GRB14: variants seen among roughly 807,000 people sequenced by gnomAD.
The protein encoded by GRB14 is growth factor receptor bound protein 14, also known as growth factor receptor-bound protein 14.
A neutral mutation model predicts 69.1 loss-of-function variants in GRB14; 38 were observed. The observed-to-expected ratio is 0.55, with a 90% confidence interval of 0.42 to 0.72. The LOEUF (loss-of-function observed/expected upper bound fraction) is 0.72. Among genes scored for constraint, GRB14 ranks in the 30% least tolerant of loss-of-function variants. GRB14 has a pLI of 0.00. For missense variants in GRB14, 666 were observed against 666.1 expected (o/e 1.00, Z 0.00); for synonymous variants, 247 against 241.3 (o/e 1.02, Z -0.22).
intron 2 of GRB14, among the ~76,000 whole-genome samples, chr2:164,605,775 A>T (rs1268852350): frequency 1.3e-5 from 2 of 152,194 alleles, no homozygotes; most frequent in African/African-American, 4.8e-5. Flanking sequence ...TCAAATGTTT[A>T]AAACCCAATA....
chr2:164,584,450 T>C (rs951259893), intron 2 of GRB14, among the ~76,000 whole-genome samples: 1 of 152,056 alleles, frequency 6.6e-6, no homozygotes, highest in Non-Finnish European at 1.5e-5. Context: ...TTAAACAAAA[T>C]TATCTTTAAG....
At chr2:164,520,668 A>C (rs887132968) in intron 6 of GRB14, among the ~76,000 whole-genome samples, 2 of 152,094 alleles carry the variant, frequency 1.3e-5, no homozygotes, top group African/African-American at 4.8e-5. Flanking sequence ...AAGAAAAAAA[A>C]CAAAGAATCC....
rs752793393 is a variant in GRB14, at chr2:164,621,315, C to G, written c.-6G>C. 7.8e-7 allele frequency: 1 copy of G among 1,284,790 alleles called. No individual in the cohort carries two copies. Among genetic ancestry groups the G allele is most frequent in the Admixed American group, 3.1e-5 (1 of 31,878 alleles). 79.6% of individuals were successfully genotyped at this position (1,284,790 alleles called of 1,614,324 possible). ...TCTTGCAGGGAAGTGGTCATTGTCGCCGGCCGGGGGGCTCGGGCGTCATGG... is the reference window on the plus strand; with the variant it reads ...TCTTGCAGGGAAGTGGTCATTGTCGGCGGCCGGGGGGCTCGGGCGTCATGG... On this transcript the variant is annotated 5_prime_UTR_variant, in exon 1 of 14. Transcript: ENST00000263915. The surrounding 1 kb of genome is among the most constrained non-coding windows in gnomAD (Gnocchi z 6.0).
chr2:164,493,486 T>G (rs998631990), intron 13 of GRB14, among the ~76,000 whole-genome samples: 3 of 152,146 alleles, frequency 2.0e-5, no homozygotes, highest in African/African-American at 7.2e-5. Context: ...ATATTCAGAG[T>G]AAAAGTAAAT....
chr2:164,610,849 G>T (rs1017829056), intron 2 of GRB14, among the ~76,000 whole-genome samples: 3 of 129,464 alleles, frequency 2.3e-5, no homozygotes, highest in African/African-American at 8.6e-5. Context: ...GAAACAAACT[G>T]AGAAATGTGA....
chr2:164,511,272 G>T (rs1170332684), intron 6 of GRB14, among the ~76,000 whole-genome samples: 1 of 152,226 alleles, frequency 6.6e-6, no homozygotes, highest in Non-Finnish European at 1.5e-5. Context: ...GTGAGCAACA[G>T]CTGGGGTGGC....
rs374507479 is a variant in GRB14 at position 164,595,863 on chromosome 2, A to C, written c.324+23824T>G. On this transcript the variant is annotated intron_variant, in intron 2 of 13. Coordinates refer to ENST00000263915, the MANE Select transcript of GRB14 (RefSeq NM_004490.3). ...CAATGGGACCAGACCCAGAGGCTCA[A>C]GCCTGTAATCCCAGCACTTTGGGAG... is the stretch of plus-strand genomic sequence containing the variant. Among the ~76,000 whole-genome samples the C allele has an allele frequency of 2.0e-3, 307 of 152,294 alleles. 1 individual carries two copies. The highest frequency in any genetic ancestry group is 6.4e-3 in the African/African-American group (266 of 41,568).
chr2:164,544,970 T>C (rs1232893971), intron 3 of GRB14, among the ~76,000 whole-genome samples: 1 of 152,250 alleles, frequency 6.6e-6, no homozygotes. Context: ...AAATCATTTT[T>C]AATTCCATTT....
intron 2 of GRB14, among the ~76,000 whole-genome samples, chr2:164,567,710 T>C (rs1269105422): frequency 1.3e-5 from 2 of 152,112 alleles, no homozygotes; most frequent in Non-Finnish European, 2.9e-5. Flanking sequence ...AAAAAACTAA[T>C]AAATAAAATA....
chr2:164,621,476 T>A lies in GRB14; in HGVS notation c.-167A>T, dbSNP rs1311740393. The A allele has an allele frequency of 1.2e-5, 4 of 337,964 alleles. No individual in the cohort carries two copies. Among genetic ancestry groups the A allele is most frequent in the African/African-American group, 8.9e-5 (4 of 45,002 alleles). The allele number at this position is 337,964 out of a possible 1,614,324, so 20.9% of individuals were successfully genotyped here. A position where few individuals can be genotyped will look rare whatever the true frequency, so the allele number is the denominator to read the frequency against. Reference sequence around the variant, plus strand: ...CGGCGGCTGAGACGCGCGGCCGAGCTATCTGCGAGGCGGCGGGGGAGGGGA... The same window carrying A: ...CGGCGGCTGAGACGCGCGGCCGAGCAATCTGCGAGGCGGCGGGGGAGGGGA... On this transcript the variant is annotated 5_prime_UTR_variant, in exon 1 of 14. Transcript: ENST00000263915. This position sits in a 1 kb window ranked among gnomAD's most constrained non-coding sequence, Gnocchi z 6.0.
intron 2 of GRB14, among the ~76,000 whole-genome samples, chr2:164,593,063 G>A (rs1198363220): frequency 1.3e-5 from 2 of 152,088 alleles, no homozygotes; most frequent in African/African-American, 4.8e-5. Flanking sequence ...TTCCTGTAAA[G>A]GCACCAAGAA....
chr2:164,599,411 A>T (rs1358601826), intron 2 of GRB14, among the ~76,000 whole-genome samples: 1 of 152,200 alleles, frequency 6.6e-6, no homozygotes, highest in East Asian at 1.9e-4. Context: ...AATCCACCAC[A>T]GACTATATCT....
At chr2:164,554,601 C>T (rs533558610) in intron 2 of GRB14, among the ~76,000 whole-genome samples, 1 of 152,126 alleles carries the variant, frequency 6.6e-6, no homozygotes, top group Admixed American at 6.6e-5. Flanking sequence ...TCACTCTAAT[C>T]CTGACAATCA....
intron 6 of GRB14, among the ~76,000 whole-genome samples, chr2:164,513,752 G>T (rs1188018829): frequency 6.6e-6 from 1 of 152,132 alleles, no homozygotes; most frequent in Non-Finnish European, 1.5e-5. Flanking sequence ...TTATAAGAAT[G>T]TTTGAAAAAC....
At position 164,621,279 on chromosome 2, in the gene GRB14, C is replaced by G; in HGVS notation, c.31G>C (p.Ala11Pro). The change falls in exon 1 of 14, where the codon GCC becomes CCC. Residue 11 changes from alanine to proline, a missense_variant. Physicochemically the swap from Ala to Pro is conservative, Grantham distance 27. Transcript: ENST00000263915. The surrounding 1 kb of genome is among the most constrained non-coding windows in gnomAD (Gnocchi z 6.0). MTTSLQDGQS[A>P]ASRAAARDSP... ...TCCCGGGCAGCCGCCCTGCTCGCGG[C>G]GCTCTGCCCATCTTGCAGGGAAGTG... 1 of 1,284,906 alleles carries G rather than the reference C, an allele frequency of 7.8e-7. No individual in the cohort carries two copies. The highest frequency in any genetic ancestry group is 9.8e-7 in the Non-Finnish European group (1 of 1,015,516). 79.6% of individuals were successfully genotyped at this position (1,284,906 alleles called of 1,614,324 possible).
intron 2 of GRB14, among the ~76,000 whole-genome samples, chr2:164,617,485 G>A (rs964304281): frequency 2.6e-5 from 4 of 151,806 alleles, no homozygotes; most frequent in South Asian, 4.1e-4. Context: ...TCTCTAAGAC[G>A]TCTTACTCTA....
intron 3 of GRB14, among the ~76,000 whole-genome samples, chr2:164,534,976 T>C (rs1344946100): frequency 6.6e-6 from 1 of 152,190 alleles, no homozygotes; most frequent in Non-Finnish European, 1.5e-5. Flanking sequence ...AAAATAAAAC[T>C]TTCTGACGTT....
Position 164,521,990 on chromosome 2 carries a change from C to A in GRB14, c.806G>T (p.Gly269Val). The A allele has an allele frequency of 6.2e-7, 1 of 1,600,370 alleles. No individual in the cohort carries two copies. The highest frequency in any genetic ancestry group is 1.1e-5 in the South Asian group (1 of 89,676). The change falls in exon 6 of 14, where the codon GGA becomes GTA. Residue 269 changes from glycine (G) to valine (V), a missense_variant. By Grantham distance (109) the Gly-to-Val change is moderately radical. Transcript: ENST00000263915. ...GATACTTCAATTTACCTTTGATGTTCCTTTAGTAGAAAAATATAAACCAGA... is the reference window on the plus strand; with the variant it reads ...GATACTTCAATTTACCTTTGATGTTACTTTAGTAGAAAAATATAAACCAGA... ...RRSGLYFSTK[G>V]TSKEPRHLQF... is the part of the protein sequence containing the mutation.
chr2:164,492,626 T>TAAC lies in GRB14; in HGVS notation c.*407_*409dup, dbSNP rs1171596114. ...ATTGATAAGTTATTATCATATTTCT[T>TAAC]AACATTAAAAAATAGTATAATTGAA... On this transcript the variant is annotated 3_prime_UTR_variant, in exon 14 of 14. Transcript: ENST00000263915. 6.6e-6 allele frequency among the ~76,000 whole-genome samples: 1 copy of TAAC among 152,020 alleles called. No individual in the cohort carries two copies. The highest frequency in any genetic ancestry group is 2.4e-5 in the African/African-American group (1 of 41,442).
Sources: gnomAD v4.1 joint callset for allele counts (sites outside exome capture counted in the v4.1 genomes callset) on GRCh38, gnomAD v4.1.1 for gene constraint, Gnocchi (gnomAD v3.1) non-coding constraint, MANE v1.5 for transcripts, NCBI Gene and HGNC (gene_info 2026-07-23, HGNC 2026-07-21) for gene names.